Variants in RAB3B observed in about 807,000 individuals in gnomAD.
The protein encoded by RAB3B is RAB3B, member RAS oncogene family, also known as ras-related protein Rab-3B.
A neutral mutation model predicts 20.5 loss-of-function variants in RAB3B; 11 were observed. That is an observed-to-expected ratio of 0.54 (90% CI 0.34 to 0.89). RAB3B has a LOEUF of 0.89. Ranked by LOEUF, RAB3B falls within the 40% of genes least tolerant of loss-of-function variation. The pLI is 0.02. For missense variants in RAB3B, 225 were observed against 280.9 expected, an observed-to-expected ratio of 0.80 and a Z score of 1.42; for synonymous variants, 99 against 106.3, an observed-to-expected ratio of 0.93 and a Z score of 0.42.
Position 51,956,163 on chromosome 1 carries a change from G to A in RAB3B, c.229-18751C>T, listed in dbSNP as rs113370606. ...GGCTTATGAATACTGTGCACCCTGC[G>A]CCTTGGATTCTCCTCTTTAAATAGG... On this transcript the variant is annotated intron_variant, in intron 2 of 4. Coordinates refer to ENST00000371655, the MANE Select transcript of RAB3B (RefSeq NM_002867.4). 4.6e-3 allele frequency among the ~76,000 whole-genome samples: 696 copies of A among 152,176 alleles called. 11 individuals carry two copies. The highest frequency in any genetic ancestry group is 0.016 in the African/African-American group (674 of 41,506).
rs1048315857 is a variant in RAB3B at position 51,908,183 on chromosome 1, G to T, written c.*11744C>A. 6.6e-6 allele frequency: 1 copy of T among 152,068 alleles called. No individual in the cohort carries two copies. The highest frequency in any genetic ancestry group is 6.6e-5 in the Admixed American group (1 of 15,228). The allele number at this position is 152,068 out of a possible 1,614,324, so 9.4% of individuals were successfully genotyped here. On this transcript the variant is annotated 3_prime_UTR_variant, in exon 5 of 5. Transcript: ENST00000371655. ...CATTTCATATTTCATATGCCACTGA[G>T]AAGAGGTGTCAGTATACAGAACATA...
At chr1:51,929,771 T>A (rs1475917967) in intron 4 of RAB3B, among the ~76,000 whole-genome samples, 1 of 152,232 alleles carries the variant, frequency 6.6e-6, no homozygotes, top group Non-Finnish European at 1.5e-5. Flanking sequence ...GCACAATTTT[T>A]AATTAATATT....
At chr1:51,983,517 A>G (rs192248380) in intron 1 of RAB3B, among the ~76,000 whole-genome samples, 1 of 152,300 alleles carries the variant, frequency 6.6e-6, no homozygotes, top group East Asian at 1.9e-4. Context: ...CATATACCAT[A>G]TAGGTTTGTG....
chr1:51,962,066 C>A (rs761175773), intron 2 of RAB3B, among the ~76,000 whole-genome samples: 2 of 152,186 alleles, frequency 1.3e-5, no homozygotes, highest in Non-Finnish European at 2.9e-5. Context: ...ACCACTGCAC[C>A]CAGACTGAAG....
At position 51,912,902 on chromosome 1, in the gene RAB3B, A is replaced by G. The variant is rs1335916403; in HGVS notation, c.*7025T>C. On this transcript the variant is annotated 3_prime_UTR_variant, in exon 5 of 5. Transcript: ENST00000371655. ...TTTGGGGGCAGAATCAAGAGTTTCA[A>G]TTTGGACATGTTAAGTTTGAGACAT... 1 of 152,166 alleles carries G rather than the reference A, an allele frequency of 6.6e-6. No homozygotes were observed. Among genetic ancestry groups the G allele is most frequent in the African/African-American group, 2.4e-5 (1 of 41,448 alleles). The allele number at this position is 152,166 out of a possible 1,614,324, so 9.4% of individuals were successfully genotyped here. A position where few individuals can be genotyped will look rare whatever the true frequency, so the allele number is the denominator to read the frequency against.
At chr1:51,966,041 A>G (rs913824034) in intron 2 of RAB3B, among the ~76,000 whole-genome samples, 2 of 152,206 alleles carry the variant, frequency 1.3e-5, no homozygotes, top group African/African-American at 4.8e-5. Flanking sequence ...TGCCTGGTGT[A>G]TATCCCCCTT....
chr1:51,961,833 C>T (rs1161095569), intron 2 of RAB3B, among the ~76,000 whole-genome samples: 3 of 151,934 alleles, frequency 2.0e-5, no homozygotes, highest in Non-Finnish European at 4.4e-5. Flanking sequence ...TGAAGTGGGG[C>T]GATCTCGGCT....
intron 2 of RAB3B, among the ~76,000 whole-genome samples, chr1:51,954,973 T>C (rs1159840630): frequency 1.3e-5 from 2 of 152,204 alleles, no homozygotes; most frequent in Admixed American, 6.5e-5. Flanking sequence ...AGAAAGCCAC[T>C]GAAGGGTTTA....
At chr1:51,942,696 A>C (rs1250473209) in intron 2 of RAB3B, among the ~76,000 whole-genome samples, 1 of 152,092 alleles carries the variant, frequency 6.6e-6, no homozygotes, top group Non-Finnish European at 1.5e-5. Flanking sequence ...ATAATACTTC[A>C]TTTTATTGCA....
chr1:51,926,106 G>C (rs1184642253), intron 4 of RAB3B, among the ~76,000 whole-genome samples: 1 of 152,224 alleles, frequency 6.6e-6, no homozygotes, highest in Non-Finnish European at 1.5e-5. Context: ...GCCTGCAAAG[G>C]TCAAACCCTC....
At chr1:51,955,485 G>A (rs1557971148) in intron 2 of RAB3B, among the ~76,000 whole-genome samples, 1 of 151,980 alleles carries the variant, frequency 6.6e-6, no homozygotes, top group African/African-American at 2.4e-5. Flanking sequence ...TCTGCCTCCC[G>A]GGTTCAAGCG....
At chr1:51,928,365 C>A (rs753416000) in intron 4 of RAB3B, among the ~76,000 whole-genome samples, 1 of 152,214 alleles carries the variant, frequency 6.6e-6, no homozygotes. Context: ...CCTCGGCCTC[C>A]CAGAGTGCTG....
chr1:51,952,352 T>G (rs1261213187), intron 2 of RAB3B, among the ~76,000 whole-genome samples: 1 of 152,324 alleles, frequency 6.6e-6, no homozygotes, highest in Non-Finnish European at 1.5e-5. Flanking sequence ...AAAACACTCA[T>G]GGATATAGCT....
chr1:51,950,947 G>C (rs1684632612), intron 2 of RAB3B, among the ~76,000 whole-genome samples: 1 of 152,184 alleles, frequency 6.6e-6, no homozygotes. Context: ...GAAGGAAAGA[G>C]CAGTTCAATA....
intron 2 of RAB3B, among the ~76,000 whole-genome samples, chr1:51,972,779 C>G (rs1684955852): frequency 6.6e-6 from 1 of 152,166 alleles, no homozygotes; most frequent in Non-Finnish European, 1.5e-5. Flanking sequence ...GACTTCCAGT[C>G]TCCAGACTGT....
At chr1:51,988,557 T>C (rs545623481) in intron 1 of RAB3B, among the ~76,000 whole-genome samples, 1 of 152,306 alleles carries the variant, frequency 6.6e-6, no homozygotes, top group East Asian at 1.9e-4. Context: ...CCTCTCTCTT[T>C]GTACATTGTT....
At chr1:51,932,385 T>G (rs1332400145) in intron 4 of RAB3B, among the ~76,000 whole-genome samples, 1 of 152,190 alleles carries the variant, frequency 6.6e-6, no homozygotes. Context: ...ATGGAACTCT[T>G]TTTGTAAGGC....
rs555232409 is a variant in RAB3B at position 51,918,430 on chromosome 1, G to A, written c.*1497C>T. Reference sequence around the variant, plus strand: ...TGACCTAGAGAAAAGGCAAGTCCCAGGAGTCATGATTCCTGTTCTCAAATA... The same window carrying A: ...TGACCTAGAGAAAAGGCAAGTCCCAAGAGTCATGATTCCTGTTCTCAAATA... On this transcript the variant is annotated 3_prime_UTR_variant, in exon 5 of 5. Coordinates refer to ENST00000371655, the MANE Select transcript of RAB3B (RefSeq NM_002867.4). 1 of 152,360 alleles carries A rather than the reference G, an allele frequency of 6.6e-6. No homozygotes were observed. The highest frequency in any genetic ancestry group is 1.5e-5 in the Non-Finnish European group (1 of 68,060). 9.4% of individuals were successfully genotyped at this position (152,360 alleles called of 1,614,324 possible).
intron 2 of RAB3B, among the ~76,000 whole-genome samples, chr1:51,974,688 A>G (rs1198561366): frequency 6.6e-6 from 1 of 152,228 alleles, no homozygotes; most frequent in Non-Finnish European, 1.5e-5. Flanking sequence ...TCTTGTTGAA[A>G]TCCCACTTTA....
Sources: gnomAD v4.1 joint callset for allele counts (sites outside exome capture counted in the v4.1 genomes callset) on GRCh38, gnomAD v4.1.1 for gene constraint, MANE v1.5 for transcripts, NCBI Gene and HGNC (gene_info 2026-07-23, HGNC 2026-07-21) for gene names.